Variants in TUSC3 observed in about 807,000 individuals in gnomAD.
The protein encoded by TUSC3 is dolichyl-diphosphooligosaccharide--protein glycosyltransferase subunit TUSC3.
A neutral mutation model predicts 44.8 loss-of-function variants in TUSC3; 45 were observed. That is an observed-to-expected ratio of 1.00 (90% confidence interval 0.79 to 1.29). The LOEUF (loss-of-function observed/expected upper bound fraction) is 1.29. Among genes scored for constraint, TUSC3 ranks in the 50% most tolerant of loss-of-function variants. The pLI, the probability that TUSC3 is intolerant of heterozygous loss-of-function variation, is 0.00. For missense variants in TUSC3, 519 were observed against 437.9 expected (o/e 1.19, Z -1.65); for synonymous variants, 212 against 152.9 (o/e 1.39, Z -2.85).
chr8:15,639,112 G>C (rs1342837729), intron 2 of TUSC3, among the ~76,000 whole-genome samples: 1 of 149,772 alleles, frequency 6.7e-6, no homozygotes, highest in African/African-American at 2.5e-5. Context: ...TGATGATCAT[G>C]TGTCGATGCT....
chr8:15,675,841 G>A (rs1306871962), intron 6 of TUSC3, among the ~76,000 whole-genome samples: 2 of 152,090 alleles, frequency 1.3e-5, no homozygotes, highest in Non-Finnish European at 2.9e-5. Context: ...CACTGTGGAT[G>A]GACACCTCAG....
In TUSC3 at chr8:15,457,060, C is replaced by T. The variant is rs922146447; in HGVS notation, n.92-26326C>T. Among the ~76,000 whole-genome samples the T allele has an allele frequency of 3.0e-4, 45 of 151,404 alleles. 1 individual carries two copies. The highest frequency in any genetic ancestry group is 9.9e-4 in the African/African-American group (41 of 41,218). On this transcript the variant is annotated intron_variant and non_coding_transcript_variant, in intron 1 of 5. Coordinates refer to the TUSC3 transcript ENST00000503191. Reference sequence around the variant, plus strand: ...GAAACCATCATTCTCAGCAAACTATCGCAAGGATAAAAAACCAAACACTGC... The same window carrying T: ...GAAACCATCATTCTCAGCAAACTATTGCAAGGATAAAAAACCAAACACTGC...
chr8:15,511,107 C>G (rs1048019773), intron 2 of TUSC3, among the ~76,000 whole-genome samples: 1 of 152,122 alleles, frequency 6.6e-6, no homozygotes, highest in Non-Finnish European at 1.5e-5. Flanking sequence ...AAACAAAACC[C>G]AAAACTTAAA....
chr8:15,523,822 C>T (rs1394428593), intron 2 of TUSC3, among the ~76,000 whole-genome samples: 1 of 150,700 alleles, frequency 6.6e-6, no homozygotes, highest in East Asian at 1.9e-4. Flanking sequence ...CTTTGAAAGG[C>T]CGAGGCAGGC....
At chr8:15,693,885 A>C (rs547946931) in intron 6 of TUSC3, among the ~76,000 whole-genome samples, 1 of 152,126 alleles carries the variant, frequency 6.6e-6, no homozygotes, top group African/African-American at 2.4e-5. Flanking sequence ...TCAAAGAGCC[A>C]GTCTTTGACC....
At chr8:15,435,037 T>C (rs1368005102) in intron 1 of TUSC3, among the ~76,000 whole-genome samples, 6 of 148,012 alleles carry the variant, frequency 4.1e-5, no homozygotes, top group Admixed American at 1.3e-4. Context: ...TTATAATCCT[T>C]TGGGTATATA....
chr8:15,847,906 G>C, the TUSC3 span, among the ~76,000 whole-genome samples: 2 of 152,092 alleles, frequency 1.3e-5, no homozygotes, highest in East Asian at 3.9e-4. Flanking sequence ...ATACCTGTGA[G>C]GTTATTGTGA....
chr8:15,455,956 C>G (rs1051035888), intron 1 of TUSC3, among the ~76,000 whole-genome samples: 1 of 152,206 alleles, frequency 6.6e-6, no homozygotes, highest in African/African-American at 2.4e-5. Flanking sequence ...CACTGACCTT[C>G]TGAAAGACCT....
chr8:15,827,732 C>A, the TUSC3 span, among the ~76,000 whole-genome samples: 1 of 152,150 alleles, frequency 6.6e-6, no homozygotes, highest in African/African-American at 2.4e-5. Context: ...CCATTTGCCC[C>A]AGAAAAAGCC....
At chr8:15,819,206 A>C in the TUSC3 span, among the ~76,000 whole-genome samples, 1 of 152,150 alleles carries the variant, frequency 6.6e-6, no homozygotes, top group African/African-American at 2.4e-5. Context: ...TCTAGATGTA[A>C]TGGTAGTAGA....
intron 1 of TUSC3, among the ~76,000 whole-genome samples, chr8:15,617,138 A>ATATT (rs1329882233): frequency 2.2e-5 from 2 of 88,916 alleles, no homozygotes; most frequent in Admixed American, 1.2e-4. Flanking sequence ...GTGTGTATAT[A>ATATT]TTTTTTTTTT....
At chr8:15,808,143 T>A in the TUSC3 span, among the ~76,000 whole-genome samples, 14 of 152,198 alleles carry the variant, frequency 9.2e-5, no homozygotes, top group African/African-American at 3.4e-4. Context: ...GGAAGCTTTG[T>A]TTTCTGACCA....
At chr8:15,542,641 T>C (rs1431472089) in intron 1 of TUSC3, among the ~76,000 whole-genome samples, 14 of 152,234 alleles carry the variant, frequency 9.2e-5, no homozygotes. Context: ...GACTTTAATA[T>C]GTGAAAACAT....
upstream of TUSC3, among the ~76,000 whole-genome samples, chr8:15,535,270 G>C (rs1343313580): frequency 6.6e-6 from 1 of 152,232 alleles, no homozygotes; most frequent in Admixed American, 6.5e-5. Flanking sequence ...ATGTTTTAAA[G>C]CAAGGATAAA....
At chr8:15,570,549 C>G (rs751001698) in intron 1 of TUSC3, among the ~76,000 whole-genome samples, 34 of 152,186 alleles carry the variant, frequency 2.2e-4, no homozygotes, top group Non-Finnish European at 4.7e-4. Context: ...TAAGCGGATG[C>G]TACGATTTAT....
In TUSC3 at chr8:15,456,077, C is replaced by G. The variant is rs577157630; in HGVS notation, n.92-27309C>G. 3.9e-5 allele frequency among the ~76,000 whole-genome samples: 6 copies of G among 152,276 alleles called. No individual in the cohort carries two copies. The South Asian group carries it at 1.2e-3, about 32-fold the overall frequency. On this transcript the variant is annotated intron_variant and non_coding_transcript_variant, in intron 1 of 5. Transcript: ENST00000503191. ...GTGTAGGAGGATCATTTCCCACACC[C>G]CATGATTGTACCCCCAACCAATCAG...
intron 1 of TUSC3, among the ~76,000 whole-genome samples, chr8:15,461,492 G>C (rs1030578374): frequency 6.6e-6 from 1 of 151,990 alleles, no homozygotes; most frequent in Non-Finnish European, 1.5e-5. Context: ...GTGAGGGTTT[G>C]ACTTCCTCTT....
chr8:15,757,260 T>G (rs1190416096), intron 9 of TUSC3, among the ~76,000 whole-genome samples: 3 of 152,172 alleles, frequency 2.0e-5, no homozygotes, highest in Non-Finnish European at 4.4e-5. Context: ...TCCATTGTCT[T>G]AAAACGAAAC....
At chr8:15,574,006 A>G (rs972400241) in intron 1 of TUSC3, among the ~76,000 whole-genome samples, 5 of 152,038 alleles carry the variant, frequency 3.3e-5, no homozygotes, top group African/African-American at 1.2e-4. Flanking sequence ...CTTCCATACC[A>G]TTTTTTGGTG....
Sources: allele counts gnomAD v4.1 joint callset (sites outside exome capture counted in the v4.1 genomes callset), GRCh38; gene constraint gnomAD v4.1.1; transcripts MANE v1.5; gene names NCBI Gene and HGNC (gene_info 2026-07-23, HGNC 2026-07-21).